Variants in IL34 observed in about 807,000 individuals in gnomAD.
The protein encoded by IL34 is interleukin-34.
In IL34, 17 loss-of-function variants were observed where a neutral mutation model predicts 25.3. That is an observed-to-expected ratio of 0.67 (90% CI 0.46 to 1.01). IL34 has a LOEUF of 1.01. IL34 is among the 50% of genes least tolerant of loss of function. The pLI is 0.00. For missense variants in IL34, 368 were observed against 312.9 expected (o/e 1.18, Z -1.33); for synonymous variants, 174 against 140.9 (o/e 1.23, Z -1.66).
At chr16:70,652,127 CA>C (rs143991484) in intron 1 of IL34, among the ~76,000 whole-genome samples, 3 of 143,302 alleles carry the variant, frequency 2.1e-5, no homozygotes, top group Non-Finnish European at 3.0e-5. Context: ...GACTCCGTCT[CA>C]AAAAAAAAAT....
chr16:70,622,127 G>A (rs1371983233), intron 1 of IL34, among the ~76,000 whole-genome samples: 1 of 152,002 alleles, frequency 6.6e-6, no homozygotes, highest in Admixed American at 6.6e-5. Context: ...AGGCTGGTCT[G>A]TTATCAGACT....
At chr16:70,584,098 C>T in intron 1 of IL34, among the ~76,000 whole-genome samples, 1 of 152,194 alleles carries the variant, frequency 6.6e-6, no homozygotes, top group South Asian at 2.1e-4. Context: ...ACATCTCGTC[C>T]CAGATGGGCA....
intron 1 of IL34, among the ~76,000 whole-genome samples, chr16:70,626,526 AGCTGGGATTACAG>A (rs2051397480): frequency 6.6e-6 from 1 of 151,960 alleles, no homozygotes; most frequent in Admixed American, 6.6e-5. Flanking sequence ...CCTCCCGAGT[AGCTGGGATTACAG>A]GCATGCGCCA....
At chr16:70,599,594 C>T (rs1027593624) in intron 1 of IL34, among the ~76,000 whole-genome samples, 1 of 150,560 alleles carries the variant, frequency 6.6e-6, no homozygotes, top group Non-Finnish European at 1.5e-5. Flanking sequence ...TCTCAGGTCT[C>T]GAACTCCTGA....
At chr16:70,658,522 G>A (rs1051578624) in intron 4 of IL34, among the ~76,000 whole-genome samples, 5 of 150,888 alleles carry the variant, frequency 3.3e-5, no homozygotes, top group Non-Finnish European at 7.4e-5. Context: ...TCACTGTGTC[G>A]CCCAGGTGCA....
intron 1 of IL34, among the ~76,000 whole-genome samples, chr16:70,587,499 C>T (rs1249827935): frequency 6.6e-6 from 1 of 151,922 alleles, no homozygotes. Context: ...TCTTGATCTT[C>T]TGACCTCATG....
In IL34 at chr16:70,632,527, G is replaced by T. The variant is rs993720974; in HGVS notation, c.-400-14021G>T. ...GAAGAGGAGCTGGGCCAATGCTTTC[G>T]GCTCCTGACCAGGTGGTCCTGAGGG... On this transcript the variant is annotated intron_variant, in intron 1 of 6. Coordinates refer to the IL34 transcript ENST00000429149. 3.9e-5 allele frequency among the ~76,000 whole-genome samples: 6 copies of T among 152,256 alleles called. No individual in the cohort carries two copies. In the East Asian group the frequency reaches 1.2e-3, roughly 29 times the overall value.
intron 1 of IL34, among the ~76,000 whole-genome samples, chr16:70,653,073 G>C (rs1053769918): frequency 2.6e-4 from 40 of 152,102 alleles, no homozygotes; most frequent in African/African-American, 8.2e-4. Flanking sequence ...GGGTGTAGTA[G>C]CCCCTGCTTG....
intron 1 of IL34, among the ~76,000 whole-genome samples, chr16:70,619,227 G>C (rs570749500): frequency 6.6e-6 from 1 of 152,216 alleles, no homozygotes; most frequent in South Asian, 2.1e-4. Context: ...GCGTTGAGTG[G>C]GGTAAGGGTG....
Position 70,660,622 on chromosome 16 carries a change from T to A in IL34, c.*435T>A. 5.9e-6 allele frequency: 1 copy of A among 169,452 alleles called. No individual in the cohort carries two copies. 10.5% of individuals were successfully genotyped at this position (169,452 alleles called of 1,614,324 possible). ...GCAGAGGGCGGTGCCAAGTGCCACA[T>A]CTTGCCATAGTGGATGCTCTTCCAG... On this transcript the variant is annotated 3_prime_UTR_variant, in exon 6 of 6. Transcript: ENST00000288098.
intron 1 of IL34, among the ~76,000 whole-genome samples, chr16:70,624,984 A>G (rs1387035686): frequency 6.6e-6 from 1 of 152,098 alleles, no homozygotes; most frequent in Non-Finnish European, 1.5e-5. Flanking sequence ...ACTGATGTGT[A>G]AAAGAATGCC....
chr16:70,589,232 G>A (rs924760990), intron 1 of IL34, among the ~76,000 whole-genome samples: 1 of 152,004 alleles, frequency 6.6e-6, no homozygotes, highest in Non-Finnish European at 1.5e-5. Flanking sequence ...AGAAAAAAAT[G>A]GTTAAAATGG....
chr16:70,639,754 G>A (rs567610395), intron 1 of IL34, among the ~76,000 whole-genome samples: 1 of 152,272 alleles, frequency 6.6e-6, no homozygotes, highest in African/African-American at 2.4e-5. Flanking sequence ...AGGAGTTTGA[G>A]AGCAGCTTGA....
At chr16:70,616,603 G>A (rs1238215729) in intron 1 of IL34, among the ~76,000 whole-genome samples, 2 of 152,186 alleles carry the variant, frequency 1.3e-5, no homozygotes, top group Non-Finnish European at 2.9e-5. Context: ...AAAGCGTGCT[G>A]GATTATCATT....
At chr16:70,656,380 G>C (rs139045168) in intron 2 of IL34, among the ~76,000 whole-genome samples, 1 of 152,144 alleles carries the variant, frequency 6.6e-6, no homozygotes, top group African/African-American at 2.4e-5. Flanking sequence ...TCATCTGGGC[G>C]TGGTGGCACA....
intron 1 of IL34, among the ~76,000 whole-genome samples, chr16:70,623,271 A>G (rs577997438): frequency 3.1e-4 from 47 of 152,206 alleles, no homozygotes; most frequent in African/African-American, 8.7e-4. Flanking sequence ...TAAAGAAAGC[A>G]TGCTTGAGAT....
chr16:70,620,208 G>A (rs551192380), intron 1 of IL34, among the ~76,000 whole-genome samples: 1 of 152,194 alleles, frequency 6.6e-6, no homozygotes, highest in East Asian at 1.9e-4. Context: ...ACCTTTTAGG[G>A]TCTAGGGCTG....
At chr16:70,618,987 C>T (rs1201250116) in intron 1 of IL34, among the ~76,000 whole-genome samples, 2 of 152,020 alleles carry the variant, frequency 1.3e-5, no homozygotes, top group East Asian at 3.9e-4. Flanking sequence ...GTTATAGAGG[C>T]AGGTATTGAG....
At position 70,646,812 on chromosome 16, in the gene IL34, A is replaced by G. The variant is rs2051944096; in HGVS notation, c.-136A>G. 1 of 799,392 alleles carries G rather than the reference A, an allele frequency of 1.3e-6. No individual in the cohort carries two copies. The highest frequency in any genetic ancestry group is 1.9e-6 in the Non-Finnish European group (1 of 536,196). The allele number at this position is 799,392 out of a possible 1,614,324, so 49.5% of individuals were successfully genotyped here. ...ACCTGCTCACTCCCGCAGCCCAGCC[A>G]CTCCTCCAGGGCCAGCCCTTCCCTG... is the stretch of plus-strand genomic sequence containing the variant. On this transcript the variant is annotated 5_prime_UTR_variant, in exon 1 of 6. Coordinates refer to ENST00000288098, the MANE Select transcript of IL34 (RefSeq NM_001393494.1).
Sources: allele counts gnomAD v4.1 joint callset (sites outside exome capture counted in the v4.1 genomes callset), GRCh38; gene constraint gnomAD v4.1.1; transcripts MANE v1.5; gene names NCBI Gene and HGNC (gene_info 2026-07-23, HGNC 2026-07-21).